The following LRFN2 variants were observed in gnomAD, a reference collection of about 807,000 sequenced individuals.
LRFN2 encodes the protein leucine-rich repeat and fibronectin type-III domain-containing protein 2.
In LRFN2, 18 loss-of-function variants were observed where a neutral mutation model predicts 37.3. That is an observed-to-expected ratio of 0.48 (90% CI 0.33 to 0.72). The LOEUF (loss-of-function observed/expected upper bound fraction) is 0.72. Ranked by LOEUF, LRFN2 falls within the 30% of genes least tolerant of loss-of-function variation. The pLI, the probability that LRFN2 is intolerant of heterozygous loss-of-function variation, is 0.02. For synonymous variants in LRFN2, 556 were observed against 466.6 expected, an observed-to-expected ratio of 1.19 and a Z score of -2.47; for missense variants, 1,006 against 1,060.7, an observed-to-expected ratio of 0.95 and a Z score of 0.72.
At chr6:40,540,483 C>A (rs1766533296) in intron 1 of LRFN2, among the ~76,000 whole-genome samples, 1 of 152,232 alleles carries the variant, frequency 6.6e-6, no homozygotes, top group Non-Finnish European at 1.5e-5. Context: ...GGGCGGGGAG[C>A]ACTGTCCCAC....
At chr6:40,453,267 G>A (rs1441658668) in intron 1 of LRFN2, among the ~76,000 whole-genome samples, 1 of 152,114 alleles carries the variant, frequency 6.6e-6, no homozygotes, top group Non-Finnish European at 1.5e-5. Context: ...TGAAGATGTG[G>A]CAATAGGGTT....
chr6:40,557,529 C>T (rs1766912793), intron 1 of LRFN2, among the ~76,000 whole-genome samples: 1 of 152,010 alleles, frequency 6.6e-6, no homozygotes, highest in African/African-American at 2.4e-5. Context: ...CTGTGGAGGC[C>T]CTGGGGTCAG....
chr6:40,460,140 C>T (rs1436961886), intron 1 of LRFN2, among the ~76,000 whole-genome samples: 1 of 152,208 alleles, frequency 6.6e-6, no homozygotes, highest in Non-Finnish European at 1.5e-5. Context: ...TGTGGAGTCT[C>T]CTCACAGGGG....
At position 40,456,562 on chromosome 6, in the gene LRFN2, G is replaced by A. The variant is rs144990258; in HGVS notation, c.-18-23431C>T. ...AAAATAATGATCGTGCTGCTGCTGCGTGGCAATGCCTTGTGTTTGCACAGC... is the reference window on the plus strand; with the variant it reads ...AAAATAATGATCGTGCTGCTGCTGCATGGCAATGCCTTGTGTTTGCACAGC... On this transcript the variant is annotated intron_variant, in intron 1 of 2. Coordinates refer to ENST00000338305, the MANE Select transcript of LRFN2 (RefSeq NM_020737.3). 1.4e-3 allele frequency among the ~76,000 whole-genome samples: 214 copies of A among 152,362 alleles called. 3 individuals carry two copies. The Middle Eastern group carries it at 0.037, about 27-fold the overall frequency.
chr6:40,575,692 C>CA (rs1767264737), intron 1 of LRFN2, among the ~76,000 whole-genome samples: 1 of 152,102 alleles, frequency 6.6e-6, no homozygotes, highest in Non-Finnish European at 1.5e-5. Context: ...ACCATGAAGC[C>CA]ATCCCACCCC....
intron 1 of LRFN2, among the ~76,000 whole-genome samples, chr6:40,552,500 C>T (rs1270433720): frequency 6.6e-6 from 1 of 152,164 alleles, no homozygotes; most frequent in African/African-American, 2.4e-5. Context: ...ATTTCTTACA[C>T]ATGTAGCTGA....
intron 1 of LRFN2, among the ~76,000 whole-genome samples, chr6:40,479,730 C>A (rs185720349): frequency 6.6e-6 from 1 of 152,162 alleles, no homozygotes; most frequent in Non-Finnish European, 1.5e-5. Context: ...GGGCTCAGGG[C>A]CGCTGGCTCC....
chr6:40,425,596 T>C (rs1017734938), intron 2 of LRFN2, among the ~76,000 whole-genome samples: 2 of 152,236 alleles, frequency 1.3e-5, no homozygotes, highest in African/African-American at 4.8e-5. Flanking sequence ...CTCCCCTTTG[T>C]TGCTGTCACC....
chr6:40,439,537 T>C (rs552233458), intron 1 of LRFN2, among the ~76,000 whole-genome samples: 1 of 151,950 alleles, frequency 6.6e-6, no homozygotes, highest in African/African-American at 2.4e-5. Context: ...GATTTGGGAG[T>C]TGCTGGGGGT....
chr6:40,485,159 A>C (rs1208620254), intron 1 of LRFN2, among the ~76,000 whole-genome samples: 1 of 152,210 alleles, frequency 6.6e-6, no homozygotes, highest in Admixed American at 6.5e-5. Context: ...AAAATGTTCA[A>C]CTATCAGCCA....
At chr6:40,519,988 G>A (rs749552903) in intron 1 of LRFN2, among the ~76,000 whole-genome samples, 1 of 152,188 alleles carries the variant, frequency 6.6e-6, no homozygotes, top group Non-Finnish European at 1.5e-5. Context: ...GCATATACAA[G>A]AGCAGAGTGG....
At chr6:40,474,412 C>T (rs1198037656) in intron 1 of LRFN2, among the ~76,000 whole-genome samples, 1 of 152,098 alleles carries the variant, frequency 6.6e-6, no homozygotes, top group Non-Finnish European at 1.5e-5. Flanking sequence ...CTGTGCCTGT[C>T]TCTTCTCCTT....
chr6:40,441,074 A>G (rs1031055223), intron 1 of LRFN2, among the ~76,000 whole-genome samples: 1 of 152,218 alleles, frequency 6.6e-6, no homozygotes, highest in African/African-American at 2.4e-5. Flanking sequence ...TCTTGTCAAT[A>G]ACTAACAACA....
chr6:40,448,597 G>A (rs1434159974), intron 1 of LRFN2, among the ~76,000 whole-genome samples: 2 of 152,202 alleles, frequency 1.3e-5, no homozygotes, highest in East Asian at 3.8e-4. Flanking sequence ...ATTAATGGCT[G>A]ATTATCTTAA....
intron 1 of LRFN2, among the ~76,000 whole-genome samples, chr6:40,452,656 TC>T (rs147511044): frequency 1.6e-3 from 251 of 152,258 alleles, no homozygotes; most frequent in African/African-American, 5.8e-3. Flanking sequence ...GGGTGACAGG[TC>T]TCTGAAAAGA....
rs756206706 is a variant in LRFN2 at position 40,531,147 on chromosome 6, CT to C, written c.-19+55793del. ...GGTTGCTCCCCGAACTGGGCAACTG[CT>C]TTTCTGACTTCTAATACCACAGATA... is the stretch of plus-strand genomic sequence containing the variant. On this transcript the variant is annotated intron_variant, in intron 1 of 2. Transcript: ENST00000338305. 2.6e-5 allele frequency among the ~76,000 whole-genome samples: 4 copies of C among 152,184 alleles called. No individual in the cohort carries two copies. In the East Asian group the frequency reaches 7.7e-4, roughly 29 times the overall value.
intron 1 of LRFN2, among the ~76,000 whole-genome samples, chr6:40,498,169 G>A (rs1765280016): frequency 6.6e-6 from 1 of 152,012 alleles, no homozygotes; most frequent in Admixed American, 6.6e-5. Context: ...GGAAGCCCTG[G>A]AGACTGAGTG....
intron 1 of LRFN2, among the ~76,000 whole-genome samples, chr6:40,580,828 C>A (rs984422628): frequency 6.6e-6 from 1 of 152,048 alleles, no homozygotes; most frequent in Non-Finnish European, 1.5e-5. Flanking sequence ...AACTCATGAA[C>A]GTGTGTACAT....
chr6:40,504,715 C>T (rs1445712940), intron 1 of LRFN2, among the ~76,000 whole-genome samples: 2 of 152,168 alleles, frequency 1.3e-5, no homozygotes, highest in African/African-American at 4.8e-5. Context: ...GACCAAGAAA[C>T]AGGTGTGGAG....
Sources: allele counts gnomAD v4.1 joint callset (sites outside exome capture counted in the v4.1 genomes callset), GRCh38; gene constraint gnomAD v4.1.1; transcripts MANE v1.5; gene names NCBI Gene and HGNC (gene_info 2026-07-23, HGNC 2026-07-21).